CMKLR1: variants seen among roughly 807,000 people sequenced by gnomAD.
The protein encoded by CMKLR1 is chemerin chemokine-like receptor 1, also known as chemerin-like receptor 1.
Under a neutral mutation model 8.2 loss-of-function variants are expected in CMKLR1, and 6 were observed. The ratio of observed to expected loss-of-function variants is 0.73; its 90% confidence interval spans 0.40 to 1.44. The LOEUF is 1.44. Ranked by LOEUF, CMKLR1 falls within the 40% of genes most tolerant of loss-of-function variation. The pLI is 0.02. For missense variants in CMKLR1, 429 were observed against 478.0 expected (o/e 0.90, Z 0.96); for synonymous variants, 178 against 181.2 (o/e 0.98, Z 0.14).
At chr12:108,302,386 G>A (rs144777303) in intron 2 of CMKLR1, among the ~76,000 whole-genome samples, 8 of 152,324 alleles carry the variant, frequency 5.3e-5, no homozygotes, top group African/African-American at 1.2e-4. Context: ...CATGTGCATC[G>A]TTTTTGGATA....
At chr12:108,336,362 C>G (rs191142294) in intron 1 of CMKLR1, among the ~76,000 whole-genome samples, 1 of 151,982 alleles carries the variant, frequency 6.6e-6, no homozygotes, top group Admixed American at 6.6e-5. Flanking sequence ...CTGGCTAATA[C>G]GGTGAAACCC....
At chr12:108,308,784 T>C (rs1481633865) in intron 2 of CMKLR1, among the ~76,000 whole-genome samples, 1 of 152,116 alleles carries the variant, frequency 6.6e-6, no homozygotes, top group Non-Finnish European at 1.5e-5. Context: ...TTCCTTCCAG[T>C]CCTCTAATCC....
At chr12:108,294,647 C>T (rs1446853856) in intron 2 of CMKLR1, among the ~76,000 whole-genome samples, 1 of 152,102 alleles carries the variant, frequency 6.6e-6, no homozygotes, top group Non-Finnish European at 1.5e-5. Flanking sequence ...CATAGTAAGC[C>T]CTCAATAAAT....
intron 2 of CMKLR1, among the ~76,000 whole-genome samples, chr12:108,318,702 C>T (rs1171887640): frequency 6.6e-6 from 1 of 152,194 alleles, no homozygotes; most frequent in East Asian, 1.9e-4. Context: ...AGAGCAGCCA[C>T]CTGCCAATGG....
intron 2 of CMKLR1, among the ~76,000 whole-genome samples, chr12:108,309,769 T>C (rs943001569): frequency 4.6e-5 from 7 of 152,288 alleles, no homozygotes; most frequent in African/African-American, 1.7e-4. Flanking sequence ...CCCCTCCCTA[T>C]TGTTCCCTGG....
intron 2 of CMKLR1, among the ~76,000 whole-genome samples, chr12:108,325,905 G>A (rs1462681771): frequency 3.9e-5 from 6 of 152,128 alleles, no homozygotes; most frequent in African/African-American, 7.2e-5. Flanking sequence ...AAAGTGCAAG[G>A]ACCCCAGGCT....
intron 2 of CMKLR1, among the ~76,000 whole-genome samples, chr12:108,301,906 C>T (rs1394974108): frequency 6.6e-6 from 1 of 152,166 alleles, no homozygotes; most frequent in African/African-American, 2.4e-5. Context: ...ATGGGCTACA[C>T]ACACATACAC....
chr12:108,316,056 A>G (rs574312823), intron 2 of CMKLR1, among the ~76,000 whole-genome samples: 4 of 152,316 alleles, frequency 2.6e-5, no homozygotes, highest in African/African-American at 9.6e-5. Context: ...CAGGAAGTTC[A>G]TAATCCTCAG....
chr12:108,332,879 TGGG>T (rs1892141278), intron 1 of CMKLR1, among the ~76,000 whole-genome samples: 2 of 151,808 alleles, frequency 1.3e-5, no homozygotes, highest in Non-Finnish European at 1.5e-5. Context: ...ACTCAGGAGG[TGGG>T]AGGATTACTT....
At chr12:108,300,433 C>T (rs532951017) in intron 2 of CMKLR1, among the ~76,000 whole-genome samples, 38 of 152,124 alleles carry the variant, frequency 2.5e-4, no homozygotes, top group Admixed American at 9.2e-4. Context: ...TAATATCTTA[C>T]GTAACTCTAG....
chr12:108,331,153 G>A (rs1346390169), intron 1 of CMKLR1, among the ~76,000 whole-genome samples: 2 of 152,130 alleles, frequency 1.3e-5, no homozygotes, highest in Non-Finnish European at 2.9e-5. Flanking sequence ...ACTCCTGGGG[G>A]ATCATTCATT....
intron 2 of CMKLR1, among the ~76,000 whole-genome samples, chr12:108,323,812 G>A (rs550068184): frequency 6.6e-6 from 1 of 152,316 alleles, no homozygotes; most frequent in African/African-American, 2.4e-5. Context: ...TTCTGGAAAT[G>A]AGTTCTTTGA....
intron 2 of CMKLR1, among the ~76,000 whole-genome samples, chr12:108,308,008 G>A (rs754460869): frequency 1.2e-4 from 19 of 152,234 alleles, no homozygotes; most frequent in African/African-American, 4.1e-4. Flanking sequence ...CTGAGATTCA[G>A]ATTCAGTGAA....
At chr12:108,327,807 C>T (rs375513832) in intron 2 of CMKLR1, among the ~76,000 whole-genome samples, 2 of 152,136 alleles carry the variant, frequency 1.3e-5, no homozygotes, top group African/African-American at 4.8e-5. Context: ...GAAGGAAGAA[C>T]GAGGAGGTGC....
At chr12:108,326,976 T>C (rs1425797265) in intron 2 of CMKLR1, among the ~76,000 whole-genome samples, 1 of 151,734 alleles carries the variant, frequency 6.6e-6, no homozygotes, top group Non-Finnish European at 1.5e-5. Context: ...CAACTCTAAT[T>C]TATAAGTGAA....
Position 108,292,866 on chromosome 12 carries a change from G to T in CMKLR1, c.97C>A (p.Pro33Thr), listed in dbSNP as rs369981839. ...ATCCTGGTCACCCTGGCTTCCAAGGGGGATAAGTCCTCCAAAACCACAATG... is the reference window on the plus strand; with the variant it reads ...ATCCTGGTCACCCTGGCTTCCAAGGTGGATAAGTCCTCCAAAACCACAATG... ...DSIVVLEDLSPLEARVTRIFL... is the reference protein window; with the variant it reads ...DSIVVLEDLSTLEARVTRIFL... The change falls in exon 4 of 4, where the codon CCC (proline) becomes ACC (threonine). Residue 33 changes from proline to threonine, a missense_variant. Transcript: ENST00000550402. 4.2e-5 allele frequency: 67 copies of T among 1,613,944 alleles called. 3 individuals are homozygous for T. The highest frequency in any genetic ancestry group is 1.2e-5 in the Non-Finnish European group (14 of 1,180,004).
intron 3 of CMKLR1, 61 bp downstream of exon 3, chr12:108,293,528 G>A: frequency 6.5e-7 from 1 of 1,539,164 alleles, no homozygotes; most frequent in East Asian, 2.4e-5. Flanking sequence ...ATCCCCCTGT[G>A]CACCCAATCT....
chr12:108,323,342 TTTTA>T (rs139230013), intron 2 of CMKLR1, among the ~76,000 whole-genome samples: 54,715 of 151,038 alleles, frequency 0.36, 10,179 homozygotes, highest in Admixed American at 0.48. Context: ...CCCTTTTTTA[TTTTA>T]TTTATTTATT....
At chr12:108,327,861 G>T (rs1485820390) in intron 2 of CMKLR1, among the ~76,000 whole-genome samples, 1 of 152,194 alleles carries the variant, frequency 6.6e-6, no homozygotes, top group Non-Finnish European at 1.5e-5. Context: ...CACTGGACGG[G>T]GTGGGACGGG....
Sources: allele counts gnomAD v4.1 joint callset (sites outside exome capture counted in the v4.1 genomes callset), GRCh38; gene constraint gnomAD v4.1.1; transcripts MANE v1.5; gene names NCBI Gene and HGNC (gene_info 2026-07-23, HGNC 2026-07-21).